SKIC3: variants seen among roughly 807,000 people sequenced by gnomAD.
SKIC3 encodes the protein SKI3 subunit of superkiller complex.
the SKIC3 span, chr5:95,516,352 C>T: frequency 6.2e-7 from 1 of 1,612,836 alleles, no homozygotes; most frequent in South Asian, 1.1e-5. Flanking sequence ...AACATATTTA[C>T]CTCAATGTTT....
the SKIC3 span, among the ~76,000 whole-genome samples, chr5:95,535,800 C>T: frequency 6.6e-6 from 1 of 152,124 alleles, no homozygotes; most frequent in African/African-American, 2.4e-5. Flanking sequence ...GGGTCATTCA[C>T]ATACAAAGCA....
At chr5:95,467,784 A>C in the SKIC3 span, 1 of 1,560,952 alleles carries the variant, frequency 6.4e-7, no homozygotes, top group Non-Finnish European at 8.7e-7. Flanking sequence ...TTGAACAATA[A>C]CTCTAAAACC....
chr5:95,523,942 A>G, the SKIC3 span: 2 of 1,199,476 alleles, frequency 1.7e-6, no homozygotes, highest in Non-Finnish European at 2.3e-6. Context: ...AAATAATTTC[A>G]TTAAACATAC....
chr5:95,482,568 G>C, the SKIC3 span: 2 of 1,613,886 alleles, frequency 1.2e-6, no homozygotes, highest in Non-Finnish European at 1.7e-6. Flanking sequence ...TCCAGGAGTG[G>C]TTTACACTGA....
At chr5:95,543,394 A>G in the SKIC3 span, 1 of 1,544,622 alleles carries the variant, frequency 6.5e-7, no homozygotes, top group South Asian at 1.1e-5. Context: ...ACAATAACAG[A>G]AAGTCTAGCA....
the SKIC3 span, among the ~76,000 whole-genome samples, chr5:95,505,816 A>G: frequency 2.1e-5 from 3 of 143,608 alleles, no homozygotes; most frequent in South Asian, 2.2e-4. Flanking sequence ...CTGTCCCCCC[A>G]AAAAAAAAAA....
the SKIC3 span, among the ~76,000 whole-genome samples, chr5:95,500,147 G>T: frequency 2.6e-5 from 4 of 152,034 alleles, no homozygotes; most frequent in Non-Finnish European, 5.9e-5. Flanking sequence ...TTTAAAAGGC[G>T]CTGGGATTCC....
At chr5:95,464,517 T>A in the SKIC3 span, 2 of 1,029,484 alleles carry the variant, frequency 1.9e-6, no homozygotes, top group South Asian at 1.4e-5. Flanking sequence ...AAATATAGTT[T>A]AAAAAAATGT....
the SKIC3 span, among the ~76,000 whole-genome samples, chr5:95,480,264 A>C: frequency 3.3e-5 from 5 of 152,172 alleles, no homozygotes; most frequent in East Asian, 9.6e-4. Flanking sequence ...TCATTAAAAA[A>C]TAACATTAAT....
At chr5:95,503,019 G>A in the SKIC3 span, 2 of 1,613,612 alleles carry the variant, frequency 1.2e-6, no homozygotes, top group Middle Eastern at 1.7e-4. Flanking sequence ...ACATAGAAGT[G>A]AAAACAAACA....
At chr5:95,536,541 T>A in the SKIC3 span, 9 of 382,064 alleles carry the variant, frequency 2.4e-5, no homozygotes, top group East Asian at 1.1e-4. Context: ...CTAGTTTCTA[T>A]AAAAAATTCA....
At chr5:95,542,821 A>G in the SKIC3 span, among the ~76,000 whole-genome samples, 4 of 152,200 alleles carry the variant, frequency 2.6e-5, no homozygotes, top group Admixed American at 6.5e-5. Context: ...AAACATTAAC[A>G]TTTTTATATT....
chr5:95,497,000 T>C, the SKIC3 span, among the ~76,000 whole-genome samples: 1 of 152,244 alleles, frequency 6.6e-6, no homozygotes, highest in East Asian at 1.9e-4. Flanking sequence ...TACATTTTTG[T>C]ATATTAGCAG....
chr5:95,480,923 T>G, the SKIC3 span, among the ~76,000 whole-genome samples: 4 of 151,680 alleles, frequency 2.6e-5, no homozygotes, highest in South Asian at 8.3e-4. Flanking sequence ...TAAATAGAGG[T>G]CAGAATAGAG....
At chr5:95,473,802 G>C in the SKIC3 span, among the ~76,000 whole-genome samples, 1 of 152,080 alleles carries the variant, frequency 6.6e-6, no homozygotes, top group African/African-American at 2.4e-5. Flanking sequence ...TATTGATTCT[G>C]GATATTAGAT....
At chr5:95,501,879 A>G in the SKIC3 span, among the ~76,000 whole-genome samples, 2 of 152,124 alleles carry the variant, frequency 1.3e-5, no homozygotes, top group African/African-American at 2.4e-5. Context: ...CATGTTATAT[A>G]TAACGATAGA....
the SKIC3 span, chr5:95,523,904 A>C: frequency 2.2e-5 from 32 of 1,423,010 alleles, no homozygotes; most frequent in Non-Finnish European, 3.1e-5. Context: ...CAAATACAGA[A>C]GATAAATACA....
the SKIC3 span, chr5:95,546,863 C>T: frequency 3.4e-6 from 2 of 582,148 alleles, no homozygotes; most frequent in African/African-American, 1.9e-5. Context: ...GTTAAGTTAC[C>T]AATACAGAGA....
the SKIC3 span, among the ~76,000 whole-genome samples, chr5:95,496,313 T>C: frequency 6.6e-6 from 1 of 152,176 alleles, no homozygotes; most frequent in African/African-American, 2.4e-5. Flanking sequence ...CCACCGTGCC[T>C]GGCCCAAATG....
Sources: allele counts gnomAD v4.1 joint callset (sites outside exome capture counted in the v4.1 genomes callset), GRCh38; gene constraint gnomAD v4.1.1; transcripts MANE v1.5; gene names NCBI Gene and HGNC (gene_info 2026-07-23, HGNC 2026-07-21).